The following COL1A2 variants were observed in gnomAD, a reference collection of about 807,000 sequenced individuals.
COL1A2 encodes collagen type I alpha 2 chain.
In COL1A2, 49 loss-of-function variants were observed where a neutral mutation model predicts 174.3. The ratio of observed to expected loss-of-function variants is 0.28; its 90% CI spans 0.22 to 0.36. COL1A2 has a LOEUF of 0.36. Ranked by LOEUF, COL1A2 falls within the 10% of genes least tolerant of loss-of-function variation. COL1A2 has a pLI of 1.00. For synonymous variants in COL1A2, 655 were observed against 606.6 expected (o/e 1.08, Z -1.17); for missense variants, 1,438 against 1,822.7 (o/e 0.79, Z 3.84).
rs1180101606 is a variant in COL1A2 at position 94,416,479 on chromosome 7, A to C, written c.1839A>C (p.Gly613=). 6.3e-7 allele frequency: 1 copy of C among 1,577,856 alleles called. No homozygotes were observed. Among genetic ancestry groups the C allele is most frequent in the Non-Finnish European group, 8.6e-7 (1 of 1,160,818 alleles). ...CTATTGGAAGCCGAGGTCCTTCTGG[A>C]CCCCCAGGGCCTGATGGAAACAAGG... The part of the protein sequence containing the change: ...TGPIGSRGPS[G]PPGPDGNKGE... Residue 613 remains glycine, a synonymous_variant, in exon 31 of 52, where the codon GGA becomes GGC. Coordinates refer to ENST00000297268, the MANE Select transcript of COL1A2 (RefSeq NM_000089.4).
chr7:94,398,218 G>C (rs892207474), intron 2 of COL1A2, among the ~76,000 whole-genome samples, 164 bp from the exon 3 acceptor site: 1 of 151,926 alleles, frequency 6.6e-6, no homozygotes, highest in Non-Finnish European at 1.5e-5. Context: ...TGACATGTTG[G>C]TAAAATTTTA....
Position 94,428,382 on chromosome 7 carries a change from G to T in COL1A2, c.3616G>T (p.Ala1206Ser), listed in dbSNP as rs200492800. Residue 1206 changes from alanine to serine, a missense_variant, in exon 50 of 52, where the codon GCC (alanine) becomes TCC (serine). This residue lies in a region of COL1A2 where 290 missense variants were observed against 298.1 expected (regional missense o/e 0.97). Transcript: ENST00000297268. ...DFSTGETCIR[A>S]QPENIPAKNW... ...CTCTACTGGCGAAACCTGTATCCGG[G>T]CCCAACCTGAAAACATCCCAGCCAA... is the stretch of plus-strand genomic sequence containing the variant. 3.7e-6 allele frequency: 6 copies of T among 1,613,948 alleles called. No homozygotes were observed. Among genetic ancestry groups the T allele is most frequent in the Non-Finnish European group, 5.1e-6 (6 of 1,179,984 alleles).
chr7:94,430,438 T>C lies in COL1A2; in HGVS notation c.*45T>C, dbSNP rs1250633590. ...AAAAAGAAAGAAATTTGAAAAAACT[T>C]TCTCTTTGCCATTTCTTCTTCTTCT... On this transcript the variant is annotated 3_prime_UTR_variant, in exon 52 of 52. Transcript: ENST00000297268. 18 of 1,594,104 alleles carry C rather than the reference T, an allele frequency of 1.1e-5. No homozygotes were observed. Among genetic ancestry groups the C allele is most frequent in the Non-Finnish European group, 1.5e-5 (18 of 1,166,834 alleles).
chr7:94,397,187 T>C (rs1251915585), intron 1 of COL1A2, among the ~76,000 whole-genome samples: 1 of 152,136 alleles, frequency 6.6e-6, no homozygotes, highest in Non-Finnish European at 1.5e-5. Flanking sequence ...TTAGACCTTT[T>C]GAAAAAGGAT....
chr7:94,396,336 G>C (rs567452075), intron 1 of COL1A2, among the ~76,000 whole-genome samples: 252 of 151,148 alleles, frequency 1.7e-3, no homozygotes, highest in African/African-American at 5.8e-3. Flanking sequence ...GTGTGTGTGT[G>C]TGTGTGTCTG....
At position 94,395,156 on chromosome 7, in the gene COL1A2, G is replaced by C. The variant is rs551125325; in HGVS notation, c.70+55G>C. ...CTGGGTAGAGAGGTTAGATGGGAGGGCACCCTGCCCTGAAAAGGAAAACCT... is the reference window on the plus strand; with the variant it reads ...CTGGGTAGAGAGGTTAGATGGGAGGCCACCCTGCCCTGAAAAGGAAAACCT... On this transcript the variant is annotated intron_variant, in intron 1 of 51. Transcript: ENST00000297268. 3 of 1,460,348 alleles carry C rather than the reference G, an allele frequency of 2.1e-6. No individual in the cohort carries two copies. In the East Asian group the frequency reaches 6.8e-5, roughly 33 times the overall value. The allele number at this position is 1,460,348 out of a possible 1,614,324, so 90.5% of individuals were successfully genotyped here.
chr7:94,401,705 G>T, intron 6 of COL1A2, 85 bp downstream of exon 6: 2 of 981,952 alleles, frequency 2.0e-6, no homozygotes, highest in South Asian at 1.4e-5. Context: ...CATTTATTTA[G>T]CTACCTAAGT....
chr7:94,418,691 T>A, intron 33 of COL1A2, 139 bp downstream of exon 33: 1 of 685,488 alleles, frequency 1.5e-6, no homozygotes, highest in Non-Finnish European at 2.5e-6. Context: ...CTCCTGGGTC[T>A]ATGACTAATA....
Position 94,395,060 on chromosome 7 carries a change from T to G in COL1A2, c.29T>G (p.Leu10Trp), listed in dbSNP as rs758795377. MLSFVDTRT[L>W]LLLAVTLCLA... ...CTCAGCTTTGTGGATACGCGGACTT[T>G]GTTGCTGCTTGCAGTAACCTTATGC... Residue 10 changes from leucine (L) to tryptophan (W), a missense_variant, in exon 1 of 52, where the codon TTG becomes TGG. This residue lies in a region of COL1A2 where 281 missense variants were observed against 310.9 expected (regional missense o/e 0.90). Transcript: ENST00000297268. 1 of 1,614,124 alleles carries G rather than the reference T, an allele frequency of 6.2e-7. No individual in the cohort carries two copies. The highest frequency in any genetic ancestry group is 8.5e-7 in the Non-Finnish European group (1 of 1,180,016).
At chr7:94,409,452 G>A (rs1791872328) in intron 17 of COL1A2, 32 bp downstream of exon 17, 1 of 1,612,132 alleles carries the variant, frequency 6.2e-7, no homozygotes, top group Admixed American at 1.7e-5. Flanking sequence ...ACTTTATTGA[G>A]TAAAAGAAAA....
At chr7:94,422,184 A>G (rs557480156) in intron 39 of COL1A2, 3 of 373,866 alleles carry the variant, frequency 8.0e-6, no homozygotes, top group East Asian at 3.7e-5. Flanking sequence ...TTTCAGGGGC[A>G]TGGTCTTTTT....
intron 6 of COL1A2, 56 bp downstream of exon 6, chr7:94,401,676 A>G (rs1791693079): frequency 4.5e-6 from 6 of 1,330,646 alleles, no homozygotes; most frequent in Non-Finnish European, 6.4e-6. Flanking sequence ...CATTCATTTT[A>G]TGTCACATTT....
chr7:94,396,148 A>G (rs564721615), intron 1 of COL1A2, among the ~76,000 whole-genome samples: 1 of 150,692 alleles, frequency 6.6e-6, no homozygotes, highest in East Asian at 1.9e-4. Flanking sequence ...CAGAGAATGA[A>G]GAAGATCAGT....
Position 94,429,416 on chromosome 7 carries a change from G to A in COL1A2, c.3940G>A (p.Val1314Ile). 6.2e-7 allele frequency: 1 copy of A among 1,614,034 alleles called. No homozygotes were observed. The highest frequency in any genetic ancestry group is 8.5e-7 in the Non-Finnish European group (1 of 1,179,988). The change falls in exon 51 of 52, where the codon GTA becomes ATA. Residue 1314 changes from valine to isoleucine, a missense_variant. Physicochemically the swap from Val to Ile is conservative, Grantham distance 29. Coordinates refer to ENST00000297268, the MANE Select transcript of COL1A2 (RefSeq NM_000089.4). The part of the protein sequence containing the change: ...GNSRFTYTVL[V>I]DGCSKKTNEW... ...CAGCAGGTTCACTTACACTGTTCTT[G>A]TAGATGGCTGCTCTGTAAGTAATAG...
Position 94,430,298 on chromosome 7 carries a change from C to G in COL1A2, c.4006C>G (p.Pro1336Ala), listed in dbSNP as rs1210097307. 5 of 1,613,964 alleles carry G rather than the reference C, an allele frequency of 3.1e-6. No individual in the cohort carries two copies. In the South Asian group the frequency reaches 5.5e-5, roughly 18 times the overall value. Residue 1336 changes from proline (P) to alanine (A), a missense_variant, in exon 52 of 52, where the codon CCA (proline) becomes GCA (alanine). Transcript: ENST00000297268. ...AATCATTGAATACAAAACAAATAAGCCATCACGCCTGCCCTTCCTTGATAT... is the reference window on the plus strand; with the variant it reads ...AATCATTGAATACAAAACAAATAAGGCATCACGCCTGCCCTTCCTTGATAT... The part of the protein sequence containing the change: ...KTIIEYKTNK[P>A]SRLPFLDIAP...
chr7:94,404,683 T>A lies in COL1A2; in HGVS notation c.325-10T>A. On this transcript the variant is annotated splice_polypyrimidine_tract_variant and intron_variant, in intron 7 of 51. Transcript: ENST00000297268. ...AAGGCTTGGAGTATGACATTCTTTT[T>A]TTCTTTTAGGGCCCTCAAGGTTTCC... The A allele has an allele frequency of 1.2e-6, 2 of 1,614,178 alleles. No homozygotes were observed. The highest frequency in any genetic ancestry group is 1.7e-6 in the Non-Finnish European group (2 of 1,179,998).
In COL1A2 at chr7:94,412,686, A is replaced by AGAATC. The variant is rs748395393; in HGVS notation, c.1503+5_1503+9dup. 4.3e-6 allele frequency: 7 copies of AGAATC among 1,613,356 alleles called. No individual in the cohort carries two copies. The African/African-American group carries it at 9.3e-5, about 22-fold the overall frequency. The stretch of plus-strand genomic sequence containing the variant: ...CCCTGGACCCAAAGGCCCCACTGTA[A>AGAATC]GAATCACCACAACTTTCTTACCCTC... On this transcript the variant is annotated splice_donor_region_variant and intron_variant, in intron 25 of 51. Transcript: ENST00000297268.
At chr7:94,397,826 T>C in intron 2 of COL1A2, 68 bp downstream of exon 2, 1 of 920,448 alleles carries the variant, frequency 1.1e-6, no homozygotes, top group South Asian at 1.5e-5. Context: ...ATGTCTTCTC[T>C]TGGAAGGGAA....
chr7:94,407,929 A>G, intron 13 of COL1A2, 38 bp downstream of exon 13: 1 of 1,567,626 alleles, frequency 6.4e-7, no homozygotes, highest in Non-Finnish European at 8.8e-7. Flanking sequence ...TTAAATGTGT[A>G]CACTCTTTAT....
Sources: gnomAD v4.1 joint callset for allele counts (sites outside exome capture counted in the v4.1 genomes callset) on GRCh38, gnomAD v4.1.1 for gene constraint, gnomAD v4.1.1 regional missense constraint, MANE v1.5 for transcripts, NCBI Gene and HGNC (gene_info 2026-07-23, HGNC 2026-07-21) for gene names.